The following SPARC variants were observed in gnomAD, a reference collection of about 807,000 sequenced individuals.
SPARC encodes secreted protein acidic and cysteine rich, also known as basement-membrane protein 40.
Under a neutral mutation model 37.7 loss-of-function variants are expected in SPARC, and 23 were observed. That is an observed-to-expected ratio of 0.61 (90% CI 0.44 to 0.87). The LOEUF (loss-of-function observed/expected upper bound fraction) is 0.87. Ranked by LOEUF, SPARC falls within the 40% of genes least tolerant of loss-of-function variation. The pLI is 0.00. For synonymous variants in SPARC, 155 were observed against 150.8 expected (o/e 1.03, Z -0.20); for missense variants, 312 against 389.0 (o/e 0.80, Z 1.66).
intron 4 of SPARC, chr5:151,672,724 T>C: frequency 8.7e-6 from 2 of 229,984 alleles, no homozygotes; most frequent in South Asian, 1.6e-4. Context: ...AGTGTGCAAG[T>C]TCCTGATCTC....
chr5:151,686,004 CTT>C (rs1470184883), intron 1 of SPARC: 17 of 152,322 alleles, frequency 1.1e-4, no homozygotes, highest in South Asian at 4.1e-4. Context: ...GGACACTAGT[CTT>C]GGGTGGATTA....
At chr5:151,680,438 G>A (rs966082752) in intron 1 of SPARC, among the ~76,000 whole-genome samples, 1 of 151,632 alleles carries the variant, frequency 6.6e-6, no homozygotes, top group Non-Finnish European at 1.5e-5. Flanking sequence ...GCTTCATTAT[G>A]TTGCCCAGGC....
intron 1 of SPARC, among the ~76,000 whole-genome samples, chr5:151,676,432 C>CT (rs1473264311): frequency 6.6e-6 from 1 of 152,172 alleles, no homozygotes; most frequent in Non-Finnish European, 1.5e-5. Context: ...CATCTATCTC[C>CT]TTTTTTAACA....
At chr5:151,673,724 C>T (rs147214014) in intron 3 of SPARC, among the ~76,000 whole-genome samples, 2 of 152,284 alleles carry the variant, frequency 1.3e-5, no homozygotes, top group Non-Finnish European at 2.9e-5. Flanking sequence ...CTTGCCTTAG[C>T]GAACTCAACC....
rs940659605 is a variant in SPARC, at chr5:151,663,205, C to T, written c.*366G>A. 1.0e-5 allele frequency: 2 copies of T among 193,768 alleles called. No individual in the cohort carries two copies. The highest frequency in any genetic ancestry group is 1.2e-4 in the South Asian group (1 of 8,064). The allele number at this position is 193,768 out of a possible 1,614,324, so 12.0% of individuals were successfully genotyped here. On this transcript the variant is annotated 3_prime_UTR_variant, in exon 10 of 10. Coordinates refer to ENST00000231061, the MANE Select transcript of SPARC (RefSeq NM_003118.4). ...AATGAAATGAACACAAAGTCTGACT[C>T]GGTAAGTATTAGTTTCAAACAGAAC...
chr5:151,680,028 G>A (rs1332517819), intron 1 of SPARC, among the ~76,000 whole-genome samples: 1 of 152,064 alleles, frequency 6.6e-6, no homozygotes, highest in African/African-American at 2.4e-5. Context: ...GATAGCTACT[G>A]GTTACAAGTG....
intron 2 of SPARC, 105 bp downstream of exon 2, chr5:151,676,027 T>A (rs1760847927): frequency 2.3e-6 from 2 of 852,962 alleles, no homozygotes; most frequent in Non-Finnish European, 3.7e-6. Flanking sequence ...TAACTTGAAA[T>A]GGGGAAGTCC....
chr5:151,668,981 G>A (rs1760688231), intron 6 of SPARC, among the ~76,000 whole-genome samples: 1 of 152,130 alleles, frequency 6.6e-6, no homozygotes, highest in Non-Finnish European at 1.5e-5. Context: ...CTTGGAGGGG[G>A]AGCAGGTGTG....
At chr5:151,669,518 C>CATA in intron 6 of SPARC, 146 bp downstream of exon 6, 2 of 975,918 alleles carry the variant, frequency 2.0e-6, no homozygotes, top group South Asian at 3.6e-5. Context: ...ACAATTACCT[C>CATA]ATTTTATAAA....
At chr5:151,667,751 A>G (rs947225118) in intron 6 of SPARC, 151 bp from the exon 7 acceptor site, 4 of 784,076 alleles carry the variant, frequency 5.1e-6, no homozygotes, top group African/African-American at 1.7e-5. Flanking sequence ...CAGGACAATG[A>G]GCAGAGGAGA....
chr5:151,671,850 C>T (rs1760755587), intron 4 of SPARC, 156 bp from the exon 5 acceptor site: 1 of 863,816 alleles, frequency 1.2e-6, no homozygotes, highest in African/African-American at 1.8e-5. Context: ...CACTGAGCCT[C>T]ACAGTCAACA....
chr5:151,674,622 T>C lies in SPARC; in HGVS notation c.110A>G (p.Glu37Gly), dbSNP rs1252090988. 6 of 1,614,194 alleles carry C rather than the reference T, an allele frequency of 3.7e-6. No homozygotes were observed. The highest frequency in any genetic ancestry group is 5.1e-6 in the Non-Finnish European group (6 of 1,180,028). ...ETEVVEETVA[E>G]VTEVSVGANP... ...TCACTGCCCACATACCTCAGTCACC[T>C]CTGCCACAGTTTCTTCCACCACCTC... Residue 37 changes from glutamate (E) to glycine (G), a missense_variant, in exon 3 of 10, where the codon GAG becomes GGG. Coordinates refer to ENST00000231061, the MANE Select transcript of SPARC (RefSeq NM_003118.4).
intron 5 of SPARC, 52 bp from the exon 6 acceptor site, chr5:151,669,836 G>A (rs1760709987): frequency 1.9e-6 from 3 of 1,607,968 alleles, no homozygotes; most frequent in Non-Finnish European, 2.6e-6. Flanking sequence ...GCCCTTCGCT[G>A]ATACCAATAT....
intron 2 of SPARC, among the ~76,000 whole-genome samples, chr5:151,675,023 C>A (rs1760826076): frequency 6.6e-6 from 1 of 152,162 alleles, no homozygotes; most frequent in African/African-American, 2.4e-5. Flanking sequence ...AAATTGACAT[C>A]CAGAGGGGAT....
rs368994084 is a variant in SPARC at position 151,674,618 on chromosome 5, C to T, written c.114G>A (p.Val38=). ...GCGGTCACTGCCCACATACCTCAGT[C>T]ACCTCTGCCACAGTTTCTTCCACCA... The part of the protein sequence containing the change: ...TEVVEETVAE[V]TEVSVGANPV... The change falls in exon 3 of 10, where the codon GTG becomes GTA. Residue 38 remains valine, a synonymous_variant. Transcript: ENST00000231061. The T allele has an allele frequency of 3.7e-6, 6 of 1,614,008 alleles. No homozygotes were observed. Among genetic ancestry groups the T allele is most frequent in the Non-Finnish European group, 5.1e-6 (6 of 1,179,988 alleles).
At chr5:151,663,891 AG>A (rs1279851747) in intron 9 of SPARC, among the ~76,000 whole-genome samples, 195 bp downstream of exon 9, 1 of 152,128 alleles carries the variant, frequency 6.6e-6, no homozygotes, top group African/African-American at 2.4e-5. Flanking sequence ...GGAAAGAGAG[AG>A]GGACAGTTGG....
At chr5:151,665,777 C>T (rs1253702514) in intron 8 of SPARC, among the ~76,000 whole-genome samples, 1 of 152,242 alleles carries the variant, frequency 6.6e-6, no homozygotes, top group Non-Finnish European at 1.5e-5. Context: ...ACAAAATGCA[C>T]ACTCCATAAG....
intron 6 of SPARC, 48 bp from the exon 7 acceptor site, chr5:151,667,648 T>C: frequency 6.3e-7 from 1 of 1,598,024 alleles, no homozygotes; most frequent in African/African-American, 1.3e-5. Flanking sequence ...GCCTGGGCCG[T>C]GCTCCCCACC....
rs547144951 is a variant in SPARC, at chr5:151,669,876, A to T, written c.331-92T>A. 100 of 1,519,804 alleles carry T rather than the reference A, an allele frequency of 6.6e-5. No homozygotes were observed. The East Asian group carries it at 2.2e-3, about 34-fold the overall frequency. The allele number at this position is 1,519,804 out of a possible 1,614,324, so 94.1% of individuals were successfully genotyped here. A position where few individuals can be genotyped will look rare whatever the true frequency, so the allele number is the denominator to read the frequency against. ...GTCCATTTCAGAGATGGGGACACTG[A>T]GGGTTAAGCAAGGAATGTCATTAGC... On this transcript the variant is annotated intron_variant, in intron 5 of 9. Transcript: ENST00000231061.
Sources: allele counts gnomAD v4.1 joint callset (sites outside exome capture counted in the v4.1 genomes callset), GRCh38; gene constraint gnomAD v4.1.1; transcripts MANE v1.5; gene names NCBI Gene and HGNC (gene_info 2026-07-23, HGNC 2026-07-21).